Variants in CNTN5 observed in about 807,000 individuals in gnomAD.
CNTN5 encodes the protein contactin-5.
In CNTN5, 77 loss-of-function variants were observed where a neutral mutation model predicts 129.1. That is an observed-to-expected ratio of 0.60 (90% CI 0.50 to 0.72). The LOEUF is 0.72. Ranked by LOEUF, CNTN5 falls within the 30% of genes least tolerant of loss-of-function variation. The probability of loss-of-function intolerance (pLI) is 0.00; values close to 1 mark genes in which losing one functional copy is unlikely to be tolerated. For synonymous variants in CNTN5, 509 were observed against 465.6 expected (o/e 1.09, Z -1.20); for missense variants, 1,478 against 1,328.8 (o/e 1.11, Z -1.75).
chr11:100,340,759 T>G, intron 22 of CNTN5, 110 bp downstream of exon 22: 1 of 979,236 alleles, frequency 1.0e-6, no homozygotes, highest in Admixed American at 3.0e-5. Flanking sequence ...GAGTTTTGAT[T>G]CATAGTCTTG....
At position 100,136,231 on chromosome 11, in the gene CNTN5, G is replaced by A. The variant is rs548445427; in HGVS notation, c.1581-54895G>A. ...TGGGAATTTGAAATACTTTGTCCTT[G>A]AATATGGTATTCAAGGCTGGCTATT... On this transcript the variant is annotated intron_variant, in intron 13 of 24. Coordinates refer to ENST00000524871, the MANE Select transcript of CNTN5 (RefSeq NM_014361.4). 9.0e-4 allele frequency among the ~76,000 whole-genome samples: 133 copies of A among 147,290 alleles called. 2 individuals are homozygous for A. Among genetic ancestry groups the A allele is most frequent in the South Asian group, 2.4e-3 (11 of 4,510 alleles).
intron 3 of CNTN5, among the ~76,000 whole-genome samples, chr11:99,812,297 T>C (rs1946452044): frequency 6.6e-6 from 1 of 152,146 alleles, no homozygotes; most frequent in Non-Finnish European, 1.5e-5. Flanking sequence ...ATTTCCTTTC[T>C]GCTCTTCACT....
chr11:100,283,775 G>A (rs530740645), intron 18 of CNTN5, among the ~76,000 whole-genome samples: 8 of 152,074 alleles, frequency 5.3e-5, no homozygotes, highest in East Asian at 1.9e-4. Flanking sequence ...GTGAAACATC[G>A]TCTCTACTGA....
intron 13 of CNTN5, among the ~76,000 whole-genome samples, chr11:100,114,604 C>T (rs1235915522): frequency 6.6e-6 from 1 of 152,082 alleles, no homozygotes; most frequent in East Asian, 1.9e-4. Flanking sequence ...AGTTCTTCAA[C>T]TCTGGGACCA....
At chr11:100,239,000 G>A (rs1420475461) in intron 16 of CNTN5, among the ~76,000 whole-genome samples, 2 of 152,114 alleles carry the variant, frequency 1.3e-5, no homozygotes, top group Non-Finnish European at 2.9e-5. Flanking sequence ...GGCATAATTG[G>A]GTTCTCTGTC....
intron 3 of CNTN5, among the ~76,000 whole-genome samples, chr11:99,769,568 T>C (rs879588141): frequency 3.3e-5 from 5 of 152,094 alleles, no homozygotes; most frequent in Non-Finnish European, 7.4e-5. Flanking sequence ...ATAGATGAAG[T>C]AAATTAAGAA....
At chr11:99,368,355 T>C (rs529572884) in intron 2 of CNTN5, among the ~76,000 whole-genome samples, 2 of 152,054 alleles carry the variant, frequency 1.3e-5, no homozygotes, top group East Asian at 1.9e-4. Context: ...TTGAGATTAT[T>C]TGGAGTCCCG....
intron 3 of CNTN5, among the ~76,000 whole-genome samples, chr11:99,710,916 A>C (rs1435840590): frequency 1.3e-5 from 2 of 151,936 alleles, no homozygotes; most frequent in Non-Finnish European, 2.9e-5. Context: ...AGGAATTTGG[A>C]GTTGCTACGC....
intron 2 of CNTN5, among the ~76,000 whole-genome samples, chr11:99,450,741 T>C (rs1240104524): frequency 1.3e-5 from 2 of 150,610 alleles, no homozygotes; most frequent in Non-Finnish European, 2.9e-5. Context: ...TAACCTCAGT[T>C]AGATAGGTGC....
intron 1 of CNTN5, among the ~76,000 whole-genome samples, chr11:99,059,385 A>G (rs1178835214): frequency 6.6e-6 from 1 of 152,066 alleles, no homozygotes; most frequent in Non-Finnish European, 1.5e-5. Context: ...GCTGTGCTCT[A>G]TGACCCTCCT....
chr11:99,851,608 G>T (rs553023497), intron 6 of CNTN5, among the ~76,000 whole-genome samples: 6 of 152,294 alleles, frequency 3.9e-5, no homozygotes, highest in Non-Finnish European at 8.8e-5. Flanking sequence ...ATCTCCTTAT[G>T]CTGTCTCTTA....
chr11:99,467,280 G>A (rs1402874693), intron 2 of CNTN5, among the ~76,000 whole-genome samples: 2 of 151,972 alleles, frequency 1.3e-5, no homozygotes, highest in Non-Finnish European at 2.9e-5. Context: ...GTTAAAATGT[G>A]ATGAAAATGC....
At position 99,727,312 on chromosome 11, in the gene CNTN5, C is replaced by CAAAAAAAAAAAA. The variant is rs397936738; in HGVS notation, c.56-92221_56-92210dup. On this transcript the variant is annotated intron_variant, in intron 3 of 24. Transcript: ENST00000524871. ...TGGGCGACAGAGCGAGACTCCGTCT[C>CAAAAAAAAAAAA]AAAAAAAAAAAAAAAAAAAAAATTC... Among the ~76,000 whole-genome samples, 70 of 24,280 alleles carry CAAAAAAAAAAAA rather than the reference C, an allele frequency of 2.9e-3. 2 individuals carry two copies. Among genetic ancestry groups the CAAAAAAAAAAAA allele is most frequent in the African/African-American group, 9.8e-3 (63 of 6,408 alleles). 15.9% of individuals were successfully genotyped at this position (24,280 alleles called of 152,430 possible).
intron 1 of CNTN5, among the ~76,000 whole-genome samples, chr11:99,177,263 T>C (rs1207754274): frequency 1.3e-5 from 2 of 152,184 alleles, no homozygotes; most frequent in Non-Finnish European, 2.9e-5. Context: ...CATCACCACC[T>C]GACTCTCTAA....
rs553540845 is a variant in CNTN5, at chr11:99,744,543, T to TAAAAAAAAAAAAAAAAAAA, written c.56-74989_56-74971dup. 2.1e-4 allele frequency among the ~76,000 whole-genome samples: 8 copies of TAAAAAAAAAAAAAAAAAAA among 37,478 alleles called. 1 individual carries two copies. Among genetic ancestry groups the TAAAAAAAAAAAAAAAAAAA allele is most frequent in the African/African-American group, 3.2e-4 (3 of 9,236 alleles). The allele number at this position is 37,478 out of a possible 152,430, so 24.6% of individuals were successfully genotyped here. On this transcript the variant is annotated intron_variant, in intron 3 of 24. Transcript: ENST00000524871. ...GCAAAACCCCGTCTCTACAAAAAGT[T>TAAAAAAAAAAAAAAAAAAA]AAAAAAAAAAAAAAAAAAAAAAAAA...
intron 3 of CNTN5, among the ~76,000 whole-genome samples, chr11:99,777,218 C>A (rs1354601256): frequency 6.6e-6 from 1 of 151,764 alleles, no homozygotes; most frequent in Non-Finnish European, 1.5e-5. Context: ...TACAGTAAGA[C>A]AAAAATACCT....
Position 99,836,601 on chromosome 11 carries a change from A to C in CNTN5, c.278-8251A>C, listed in dbSNP as rs1365757422. ...TATTGTGAATAGTGCCACAGTAAAC[A>C]TACGTGTGCATGTGTCTTTATAGCA... On this transcript the variant is annotated intron_variant, in intron 4 of 24. Coordinates refer to ENST00000524871, the MANE Select transcript of CNTN5 (RefSeq NM_014361.4). Among the ~76,000 whole-genome samples the C allele has an allele frequency of 3.3e-5, 5 of 152,146 alleles. No individual in the cohort carries two copies. In the East Asian group the frequency reaches 5.8e-4, roughly 18 times the overall value.
chr11:99,179,561 T>G (rs1420649460), intron 1 of CNTN5, among the ~76,000 whole-genome samples: 1 of 152,240 alleles, frequency 6.6e-6, no homozygotes, highest in Non-Finnish European at 1.5e-5. Context: ...AATGTAATTT[T>G]ATGGTTACAT....
At chr11:99,944,370 A>G (rs1250958472) in intron 7 of CNTN5, among the ~76,000 whole-genome samples, 1 of 152,096 alleles carries the variant, frequency 6.6e-6, no homozygotes, top group Non-Finnish European at 1.5e-5. Context: ...TCTCAAAATA[A>G]TAAGAGCTAT....
Sources: allele counts gnomAD v4.1 joint callset (sites outside exome capture counted in the v4.1 genomes callset), GRCh38; gene constraint gnomAD v4.1.1; transcripts MANE v1.5; gene names NCBI Gene and HGNC (gene_info 2026-07-23, HGNC 2026-07-21).